The following FOXJ3 variants were observed in gnomAD, a reference collection of about 807,000 sequenced individuals.
FOXJ3 encodes the protein forkhead box J3.
In FOXJ3, 22 loss-of-function variants were observed where a neutral mutation model predicts 76.1. The ratio of observed to expected loss-of-function variants is 0.29; its 90% confidence interval spans 0.21 to 0.41. FOXJ3 has a LOEUF of 0.41. Ranked by LOEUF, FOXJ3 falls within the 10% of genes least tolerant of loss-of-function variation. The probability of loss-of-function intolerance (pLI) is 1.00; values close to 1 mark genes in which losing one functional copy is unlikely to be tolerated. For missense variants in FOXJ3, 613 were observed against 762.1 expected, an observed-to-expected ratio of 0.80 and a Z score of 2.30; for synonymous variants, 269 against 261.2, an observed-to-expected ratio of 1.03 and a Z score of -0.29.
chr1:42,250,196 G>T (rs1373031315), intron 4 of FOXJ3, among the ~76,000 whole-genome samples: 2 of 152,102 alleles, frequency 1.3e-5, no homozygotes, highest in Non-Finnish European at 2.9e-5. Context: ...GTTATTTATT[G>T]TTAAAATCAT....
At chr1:42,209,653 T>C (rs899816794) in intron 5 of FOXJ3, among the ~76,000 whole-genome samples, 2 of 152,120 alleles carry the variant, frequency 1.3e-5, no homozygotes, top group African/African-American at 4.8e-5. Flanking sequence ...TACCCAGTGC[T>C]GGAGCTGACT....
intron 1 of FOXJ3, among the ~76,000 whole-genome samples, chr1:42,329,464 G>C (rs1656028516): frequency 6.6e-6 from 1 of 152,162 alleles, no homozygotes; most frequent in Non-Finnish European, 1.5e-5. Flanking sequence ...GGTGTTTTCT[G>C]GGTTTTGGAG....
intron 1 of FOXJ3, among the ~76,000 whole-genome samples, chr1:42,324,471 A>C (rs1197058276): frequency 6.6e-6 from 1 of 151,242 alleles, no homozygotes; most frequent in Non-Finnish European, 1.5e-5. Flanking sequence ...CTCAAAATTA[A>C]GTTTAAACAC....
intron 2 of FOXJ3, among the ~76,000 whole-genome samples, chr1:42,307,723 A>C (rs935975041): frequency 6.6e-6 from 1 of 152,244 alleles, no homozygotes; most frequent in Non-Finnish European, 1.5e-5. Flanking sequence ...ATACTTAACT[A>C]TCACTACAAA....
intron 5 of FOXJ3, chr1:42,206,069 C>A (rs1307299965): frequency 4.1e-6 from 2 of 491,640 alleles, no homozygotes; most frequent in Non-Finnish European, 7.2e-6. Flanking sequence ...TGGCTACTCT[C>A]TAACAACTCT....
At chr1:42,205,558 T>G (rs139404648) in intron 6 of FOXJ3, among the ~76,000 whole-genome samples, 110 of 152,322 alleles carry the variant, frequency 7.2e-4, no homozygotes, top group African/African-American at 2.5e-3. Context: ...GGTAAGGACC[T>G]TCCAATCTCT....
chr1:42,205,928 A>G, intron 5 of FOXJ3, 65 bp from the exon 6 acceptor site: 1 of 873,380 alleles, frequency 1.1e-6, no homozygotes, highest in Non-Finnish European at 1.8e-6. Context: ...ACACAGTTTG[A>G]AGGGATCTCA....
At chr1:42,204,603 A>G (rs1287825968) in intron 6 of FOXJ3, among the ~76,000 whole-genome samples, 3 of 152,072 alleles carry the variant, frequency 2.0e-5, no homozygotes, top group Non-Finnish European at 4.4e-5. Context: ...ACCATTAGAG[A>G]TCATTTTTTA....
rs1411296891 is a variant in FOXJ3 at position 42,283,229 on chromosome 1, C to A, written c.45-4557G>T. On this transcript the variant is annotated intron_variant, in intron 2 of 12. Transcript: ENST00000361346. ...CAAAGCACAGAGAAGAATTTGTCTG[C>A]AGTTCTTAGATCTATGATGGTAACT... Among the ~76,000 whole-genome samples, 4 of 152,168 alleles carry A rather than the reference C, an allele frequency of 2.6e-5. No homozygotes were observed. The East Asian group carries it at 7.7e-4, about 29-fold the overall frequency.
At chr1:42,214,579 GA>G (rs942080489) in intron 5 of FOXJ3, among the ~76,000 whole-genome samples, 6 of 151,938 alleles carry the variant, frequency 3.9e-5, no homozygotes, top group African/African-American at 9.7e-5. Flanking sequence ...ATTATGGTGA[GA>G]AAAAAAATAG....
chr1:42,203,956 A>G (rs1646811446), intron 6 of FOXJ3, among the ~76,000 whole-genome samples: 1 of 150,792 alleles, frequency 6.6e-6, no homozygotes, highest in African/African-American at 2.4e-5. Context: ...AGATCACCGC[A>G]CTGCACTCCA....
intron 2 of FOXJ3, among the ~76,000 whole-genome samples, chr1:42,285,217 T>C (rs542487462): frequency 1.3e-5 from 2 of 152,266 alleles, no homozygotes; most frequent in East Asian, 3.9e-4. Context: ...AACCATCATC[T>C]ATGTATTAAG....
intron 11 of FOXJ3, 112 bp downstream of exon 11, chr1:42,188,625 T>A: frequency 1.7e-6 from 1 of 588,816 alleles, no homozygotes; most frequent in Non-Finnish European, 2.8e-6. Context: ...AAATAAAAAT[T>A]TGTAAACAGA....
intron 4 of FOXJ3, among the ~76,000 whole-genome samples, chr1:42,230,082 G>GA (rs1647947147): frequency 2.0e-5 from 3 of 152,070 alleles, no homozygotes; most frequent in African/African-American, 7.2e-5. Flanking sequence ...CAACAAAAGG[G>GA]AAAAAATTTG....
intron 11 of FOXJ3, among the ~76,000 whole-genome samples, chr1:42,184,888 T>C (rs1421129145): frequency 1.3e-5 from 2 of 151,966 alleles, no homozygotes; most frequent in Non-Finnish European, 2.9e-5. Flanking sequence ...CCTGTTTAGG[T>C]AGAGTGTGCT....
At position 42,319,313 on chromosome 1, in the gene FOXJ3, A is replaced by G. The variant is rs868273788; in HGVS notation, c.-17-8203T>C. On this transcript the variant is annotated intron_variant, in intron 1 of 12. Coordinates refer to ENST00000361346, the MANE Select transcript of FOXJ3 (RefSeq NM_014947.5). ...GGATGTGTTATATCCACATAATGGAATAACTGTTTGACAATAAAAAGGAAT... is the reference window on the plus strand; with the variant it reads ...GGATGTGTTATATCCACATAATGGAGTAACTGTTTGACAATAAAAAGGAAT... Among the ~76,000 whole-genome samples, 4 of 152,360 alleles carry G rather than the reference A, an allele frequency of 2.6e-5. 1 individual carries two copies. The highest frequency in any genetic ancestry group is 9.6e-5 in the African/African-American group (4 of 41,586).
At chr1:42,294,719 G>A (rs188522155) in intron 2 of FOXJ3, among the ~76,000 whole-genome samples, 124 of 134,754 alleles carry the variant, frequency 9.2e-4, no homozygotes, top group African/African-American at 3.1e-3. Flanking sequence ...CAGAGATCAC[G>A]CCATTGCACT....
At chr1:42,289,697 G>C (rs1201335713) in intron 2 of FOXJ3, among the ~76,000 whole-genome samples, 1 of 152,022 alleles carries the variant, frequency 6.6e-6, no homozygotes, top group Non-Finnish European at 1.5e-5. Context: ...TCTCTGATAC[G>C]CAATCTGACA....
At chr1:42,208,878 CAT>C (rs1035286206) in intron 5 of FOXJ3, among the ~76,000 whole-genome samples, 66 of 152,344 alleles carry the variant, frequency 4.3e-4, no homozygotes, top group Admixed American at 4.1e-3. Context: ...TTAAGCCACA[CAT>C]GAGCAAAAGC....
Sources: gnomAD v4.1 joint callset for allele counts (sites outside exome capture counted in the v4.1 genomes callset) on GRCh38, gnomAD v4.1.1 for gene constraint, MANE v1.5 for transcripts, NCBI Gene and HGNC (gene_info 2026-07-23, HGNC 2026-07-21) for gene names.